RBFOX1: variants seen among roughly 807,000 people sequenced by gnomAD.
RBFOX1 encodes the protein RNA binding protein fox-1 homolog 1.
RBFOX1 carries 8 observed loss-of-function variants against 57.7 expected under a neutral mutation model. The ratio of observed to expected loss-of-function variants is 0.14; its 90% CI spans 0.08 to 0.25. RBFOX1 has a LOEUF of 0.25. Among genes scored for constraint, RBFOX1 ranks in the 10% least tolerant of loss-of-function variants. RBFOX1 has a pLI of 1.00. For missense variants in RBFOX1, 611 were observed against 548.5 expected (o/e 1.11, Z -1.14); for synonymous variants, 326 against 222.4 (o/e 1.47, Z -4.15).
intron 3 of RBFOX1, among the ~76,000 whole-genome samples, chr16:6,748,419 G>T (rs139648124): frequency 2.6e-5 from 4 of 152,222 alleles, no homozygotes; most frequent in Non-Finnish European, 5.9e-5. Flanking sequence ...CCAACACTTT[G>T]GAAGGCCGAG....
At chr16:5,376,772 C>T (rs1567412953) in intron 1 of RBFOX1, among the ~76,000 whole-genome samples, 1 of 148,570 alleles carries the variant, frequency 6.7e-6, no homozygotes, top group South Asian at 2.1e-4. Flanking sequence ...ACTTTCTTTC[C>T]TTCCAAGCTT....
At chr16:7,055,592 C>G (rs965302980) in intron 4 of RBFOX1, among the ~76,000 whole-genome samples, 11 of 152,078 alleles carry the variant, frequency 7.2e-5, no homozygotes, top group Non-Finnish European at 1.6e-4. Flanking sequence ...GAAAATAATT[C>G]CCAGAATTCG....
chr16:6,819,705 C>CAAAAAAAAAA (rs1181614275), intron 3 of RBFOX1, among the ~76,000 whole-genome samples: 15 of 20,618 alleles, frequency 7.3e-4, no homozygotes, highest in African/African-American at 1.1e-3. Context: ...AACTCTGACT[C>CAAAAAAAAAA]AAAAAAAAAA....
chr16:5,877,702 A>C (rs1291281127), intron 4 of RBFOX1, among the ~76,000 whole-genome samples: 1 of 152,280 alleles, frequency 6.6e-6, no homozygotes. Flanking sequence ...TGCCCAGAGT[A>C]GCAGCTCAGA....
intron 14 of RBFOX1, among the ~76,000 whole-genome samples, chr16:7,695,649 C>A (rs1209595411): frequency 2.4e-4 from 24 of 98,362 alleles, no homozygotes; most frequent in Admixed American, 3.7e-4. Context: ...AAGCCTCCAT[C>A]AAAAAAAAAA....
intron 3 of RBFOX1, among the ~76,000 whole-genome samples, chr16:6,861,452 C>CT (rs761188051): frequency 6.6e-6 from 1 of 151,526 alleles, no homozygotes; most frequent in Non-Finnish European, 1.5e-5. Flanking sequence ...GCCTGACTCT[C>CT]TTTTCCAAAA....
intron 7 of RBFOX1, among the ~76,000 whole-genome samples, chr16:7,589,699 C>G (rs571567435): frequency 2.6e-5 from 4 of 151,936 alleles, no homozygotes; most frequent in South Asian, 2.1e-4. Flanking sequence ...TGACATTATC[C>G]TTTATGGGAA....
intron 3 of RBFOX1, among the ~76,000 whole-genome samples, chr16:6,815,460 C>T (rs145251444): frequency 6.6e-4 from 100 of 152,178 alleles, no homozygotes; most frequent in African/African-American, 2.3e-3. Flanking sequence ...CTCTGACATT[C>T]GCAGTGGAAT....
intron 1 of RBFOX1, among the ~76,000 whole-genome samples, chr16:6,147,657 A>C (rs1221151628): frequency 1.3e-5 from 2 of 152,178 alleles, no homozygotes; most frequent in African/African-American, 2.4e-5. Flanking sequence ...AAAGAAAAAA[A>C]CAAGGAATGG....
intron 2 of RBFOX1, among the ~76,000 whole-genome samples, chr16:6,444,437 G>A (rs966318924): frequency 2.0e-5 from 3 of 152,156 alleles, no homozygotes; most frequent in African/African-American, 7.2e-5. Context: ...AATCATGGGA[G>A]TGGGTCTTTC....
At chr16:5,962,577 T>C (rs1038963288) in intron 4 of RBFOX1, among the ~76,000 whole-genome samples, 2 of 152,208 alleles carry the variant, frequency 1.3e-5, no homozygotes, top group African/African-American at 2.4e-5. Context: ...TCCTTTAATA[T>C]GCATTTCAAA....
intron 3 of RBFOX1, among the ~76,000 whole-genome samples, chr16:5,771,076 G>C (rs757226246): frequency 2.6e-5 from 4 of 152,196 alleles, no homozygotes; most frequent in Non-Finnish European, 4.4e-5. Flanking sequence ...GATCTACTGA[G>C]TCATAAACTG....
intron 4 of RBFOX1, among the ~76,000 whole-genome samples, chr16:7,494,498 T>A (rs2067950788): frequency 6.6e-6 from 1 of 152,190 alleles, no homozygotes; most frequent in Non-Finnish European, 1.5e-5. Context: ...CCCTGCACAC[T>A]GCCATCCAAG....
chr16:6,026,632 A>G lies in RBFOX1; in HGVS notation c.-127+6640A>G, dbSNP rs556810332. ...GTGATGCTGAGCCCATTAGAGCCACAAAAGGAAAACAAGGCACTTGTTTCT... is the reference window on the plus strand; with the variant it reads ...GTGATGCTGAGCCCATTAGAGCCACGAAAGGAAAACAAGGCACTTGTTTCT... On this transcript the variant is annotated intron_variant, in intron 1 of 15. Transcript: ENST00000550418. Among the ~76,000 whole-genome samples the G allele has an allele frequency of 3.3e-5, 5 of 152,380 alleles. No individual in the cohort carries two copies. In the East Asian group the frequency reaches 5.8e-4, roughly 18 times the overall value.
intron 4 of RBFOX1, among the ~76,000 whole-genome samples, chr16:7,435,063 T>G (rs2149703623): frequency 6.6e-6 from 1 of 152,350 alleles, no homozygotes. Flanking sequence ...TTATCACAAC[T>G]AATGAACCAA....
At chr16:7,662,673 A>T (rs1007295392) in intron 12 of RBFOX1, among the ~76,000 whole-genome samples, 1 of 152,192 alleles carries the variant, frequency 6.6e-6, no homozygotes, top group African/African-American at 2.4e-5. Context: ...AGTCTGAAAA[A>T]TGATGCTGGT....
chr16:7,597,109 G>T, intron 8 of RBFOX1: 1 of 285,686 alleles, frequency 3.5e-6, no homozygotes, highest in Non-Finnish European at 6.4e-6. Flanking sequence ...CTTTTAATTT[G>T]CTTTTACTGT....
At chr16:6,188,634 C>G (rs1315426313) in intron 1 of RBFOX1, among the ~76,000 whole-genome samples, 4 of 152,036 alleles carry the variant, frequency 2.6e-5, no homozygotes, top group Non-Finnish European at 4.4e-5. Flanking sequence ...AGAGAGCTGT[C>G]AACTTCAGGA....
At chr16:7,708,466 G>A (rs1235420331) in intron 14 of RBFOX1, among the ~76,000 whole-genome samples, 1 of 151,374 alleles carries the variant, frequency 6.6e-6, no homozygotes, top group Non-Finnish European at 1.5e-5. Flanking sequence ...AGAAGTTCTG[G>A]AATAATAGGA....
Sources: gnomAD v4.1 joint callset for allele counts (sites outside exome capture counted in the v4.1 genomes callset) on GRCh38, gnomAD v4.1.1 for gene constraint, MANE v1.5 for transcripts, NCBI Gene and HGNC (gene_info 2026-07-23, HGNC 2026-07-21) for gene names.